The following PLD5 variants were observed in gnomAD, a reference collection of about 807,000 sequenced individuals.
PLD5 encodes phospholipase D family member 5.
A neutral mutation model predicts 61.1 loss-of-function variants in PLD5; 36 were observed. The observed-to-expected ratio is 0.59, with a 90% CI of 0.45 to 0.78. PLD5 has a LOEUF of 0.78. Among genes scored for constraint, PLD5 ranks in the 30% least tolerant of loss-of-function variants. The pLI is 0.00. For synonymous variants in PLD5, 243 were observed against 242.8 expected (o/e 1.00, Z -0.01); for missense variants, 515 against 644.4 (o/e 0.80, Z 2.17).
chr1:242,113,985 G>A lies in PLD5; in HGVS notation c.975C>T (p.Asp325=), dbSNP rs765154670. Residue 325 remains aspartate (D), a synonymous_variant, in exon 7 of 10, where the codon GAC becomes GAT. Transcript: ENST00000536534. ...KLFCPKNRSF[D]IDAIYSVIDD... is the part of the protein sequence containing the mutation. ...CTATCACACTGTAGATGGCATCTAT[G>A]TCAAAACTTCTGTTTTTAGGGCAAA... 6 of 1,614,046 alleles carry A rather than the reference G, an allele frequency of 3.7e-6. No individual in the cohort carries two copies. The highest frequency in any genetic ancestry group is 5.1e-6 in the Non-Finnish European group (6 of 1,179,942).
chr1:242,090,208 A>G (rs1241909248), intron 9 of PLD5, 98 bp from the exon 10 acceptor site: 1 of 1,463,698 alleles, frequency 6.8e-7, no homozygotes, highest in African/African-American at 1.4e-5. Context: ...AAAATCATCA[A>G]CATCCAGGAA....
chr1:242,182,584 T>C (rs1667587457), intron 5 of PLD5, among the ~76,000 whole-genome samples: 1 of 152,222 alleles, frequency 6.6e-6, no homozygotes, highest in Non-Finnish European at 1.5e-5. Flanking sequence ...GGCTCACGCT[T>C]GTAATTCCAG....
In PLD5 at chr1:242,472,673, G is replaced by GT. The variant is rs1351691593; in HGVS notation, c.189+51414dup. On this transcript the variant is annotated intron_variant, in intron 1 of 9. Transcript: ENST00000536534. The stretch of plus-strand genomic sequence containing the variant: ...GCTTTGGCTTGAACGAAATTTATCA[G>GT]TAATTTTACTTGATCAAATGACTAA... Among the ~76,000 whole-genome samples the GT allele has an allele frequency of 2.6e-5, 4 of 152,270 alleles. No individual in the cohort carries two copies. In the South Asian group the frequency reaches 8.3e-4, roughly 32 times the overall value.
chr1:242,449,431 C>A, intron 1 of PLD5: 1 of 1,535,862 alleles, frequency 6.5e-7, no homozygotes, highest in Non-Finnish European at 8.7e-7. Flanking sequence ...TTCCCACAGC[C>A]TCTGGAGCCT....
At position 242,288,399 on chromosome 1, in the gene PLD5, T is replaced by C. The variant is rs756928463; in HGVS notation, c.458A>G (p.His153Arg). 7.4e-6 allele frequency: 12 copies of C among 1,613,068 alleles called. No homozygotes were observed. In the South Asian group the frequency reaches 8.8e-5, roughly 12 times the overall value. The change falls in exon 3 of 10, where the codon CAT (histidine) becomes CGT (arginine). Residue 153 changes from histidine to arginine, a missense_variant. By Grantham distance (29) the His-to-Arg change is conservative (BLOSUM62 0). Coordinates refer to ENST00000536534, the MANE Select transcript of PLD5 (RefSeq NM_001372062.1). ...AKKSVDIVSS[H>R]WDLNHTHPSA... Reference sequence around the variant, plus strand: ...TGGATGAGTGTGGTTGAGATCCCAATGGGAAGACACTATGTCAACAGACTT... The same window carrying C: ...TGGATGAGTGTGGTTGAGATCCCAACGGGAAGACACTATGTCAACAGACTT...
intron 5 of PLD5, among the ~76,000 whole-genome samples, chr1:242,205,049 T>C (rs1669237753): frequency 6.6e-6 from 1 of 152,196 alleles, no homozygotes; most frequent in South Asian, 2.1e-4. Flanking sequence ...TGGAATGGAC[T>C]GTATCTATGA....
intron 5 of PLD5, among the ~76,000 whole-genome samples, chr1:242,148,078 C>A (rs1459678418): frequency 2.0e-5 from 3 of 151,946 alleles, no homozygotes; most frequent in Non-Finnish European, 4.4e-5. Flanking sequence ...AAATTTTAAG[C>A]TAAGAAATCT....
intron 1 of PLD5, among the ~76,000 whole-genome samples, chr1:242,397,334 T>G (rs1017314383): frequency 8.0e-6 from 1 of 125,658 alleles, no homozygotes; most frequent in Non-Finnish European, 1.7e-5. Flanking sequence ...TTGACTTCTG[T>G]TTTTTTTCTT....
At chr1:242,504,808 C>T (rs1374179606) in intron 1 of PLD5, among the ~76,000 whole-genome samples, 3 of 151,878 alleles carry the variant, frequency 2.0e-5, no homozygotes, top group African/African-American at 7.3e-5. Context: ...TTCTGAATTT[C>T]CAAAATTTTC....
chr1:242,172,400 C>T (rs1281496149), intron 5 of PLD5, among the ~76,000 whole-genome samples: 2 of 152,174 alleles, frequency 1.3e-5, no homozygotes, highest in African/African-American at 2.4e-5. Context: ...AAACTGATAG[C>T]ACTAAATGCC....
intron 4 of PLD5, among the ~76,000 whole-genome samples, chr1:242,259,395 G>T (rs563665626): frequency 2.0e-5 from 3 of 152,164 alleles, no homozygotes; most frequent in Admixed American, 1.3e-4. Context: ...ACACATAAGG[G>T]TATTTCAGGC....
chr1:242,150,917 A>G (rs956594791), intron 5 of PLD5, among the ~76,000 whole-genome samples: 1 of 151,292 alleles, frequency 6.6e-6, no homozygotes, highest in African/African-American at 2.4e-5. Flanking sequence ...TATATTGTTC[A>G]TTATTCCATT....
intron 1 of PLD5, among the ~76,000 whole-genome samples, chr1:242,420,289 C>T (rs1208369803): frequency 6.6e-6 from 1 of 152,092 alleles, no homozygotes; most frequent in Non-Finnish European, 1.5e-5. Context: ...AAGGTCAGAA[C>T]CTAGGTACTA....
intron 4 of PLD5, among the ~76,000 whole-genome samples, chr1:242,247,278 G>A (rs541049577): frequency 5.3e-5 from 8 of 152,312 alleles, no homozygotes; most frequent in South Asian, 4.1e-4. Context: ...CACCGCGCCC[G>A]GCCTTAGGGA....
chr1:242,411,635 G>A (rs1019721945), intron 1 of PLD5, among the ~76,000 whole-genome samples: 5 of 152,178 alleles, frequency 3.3e-5, no homozygotes, highest in Non-Finnish European at 7.3e-5. Context: ...AATTTTATAG[G>A]ATGATTTTGA....
chr1:242,130,611 A>G (rs1477903644), intron 5 of PLD5, among the ~76,000 whole-genome samples: 2 of 152,100 alleles, frequency 1.3e-5, no homozygotes, highest in East Asian at 1.9e-4. Context: ...ACAAACATCT[A>G]TTATTTTTTT....
At chr1:242,399,048 C>T (rs992601213) in intron 1 of PLD5, among the ~76,000 whole-genome samples, 6 of 152,252 alleles carry the variant, frequency 3.9e-5, no homozygotes, top group Middle Eastern at 3.4e-3. Context: ...GTGAAGTGAC[C>T]GCACCCTAAG....
At chr1:242,350,942 C>T (rs370217203) in intron 1 of PLD5, among the ~76,000 whole-genome samples, 1 of 149,512 alleles carries the variant, frequency 6.7e-6, no homozygotes, top group Non-Finnish European at 1.5e-5. Flanking sequence ...AATCTTGTTG[C>T]CCAGGCTGGA....
intron 2 of PLD5, among the ~76,000 whole-genome samples, chr1:242,338,637 C>T (rs1401040197): frequency 3.9e-5 from 6 of 152,196 alleles, no homozygotes; most frequent in East Asian, 1.9e-4. Context: ...CACACACTTT[C>T]GGATTTCCTC....
Sources: gnomAD v4.1 joint callset for allele counts (sites outside exome capture counted in the v4.1 genomes callset) on GRCh38, gnomAD v4.1.1 for gene constraint, MANE v1.5 for transcripts, NCBI Gene and HGNC (gene_info 2026-07-23, HGNC 2026-07-21) for gene names.